Variants in ZC2HC1B observed in about 807,000 individuals in gnomAD.
ZC2HC1B encodes the protein zinc finger C2HC domain-containing protein 1B.
In ZC2HC1B, 36 loss-of-function variants were observed where a neutral mutation model predicts 31.0. That is an observed-to-expected ratio of 1.16 (90% confidence interval 0.89 to 1.54). The LOEUF (loss-of-function observed/expected upper bound fraction) is 1.54, where lower values mean the gene tolerates loss of function less well. Ranked by LOEUF, ZC2HC1B falls within the 40% of genes most tolerant of loss-of-function variation. The pLI is 0.00. For synonymous variants in ZC2HC1B, 73 were observed against 88.0 expected, an observed-to-expected ratio of 0.83 and a Z score of 0.95; for missense variants, 260 against 268.6, an observed-to-expected ratio of 0.97 and a Z score of 0.22.
intron 5 of ZC2HC1B, among the ~76,000 whole-genome samples, chr6:143,902,138 A>G (rs1430358504): frequency 6.6e-6 from 1 of 152,166 alleles, no homozygotes; most frequent in Non-Finnish European, 1.5e-5. Flanking sequence ...TCCTTCACTC[A>G]CTGTAGAGTA....
Position 143,895,182 on chromosome 6 carries a change from GAC to G in ZC2HC1B, c.350-3368_350-3367del, listed in dbSNP as rs1562341205. The stretch of plus-strand genomic sequence containing the variant: ...TTTTTGTTGTTGTTGTTGTTTTTGA[GAC>G]AGAGTTTTGCTCTTGTTGCCCAGAC... On this transcript the variant is annotated intron_variant, in intron 4 of 7. Transcript: ENST00000237275. This position sits in a 1 kb window ranked among gnomAD's most constrained non-coding sequence, Gnocchi z 4.8. 6.6e-6 allele frequency among the ~76,000 whole-genome samples: 1 copy of G among 152,110 alleles called. No homozygotes were observed. The highest frequency in any genetic ancestry group is 1.5e-5 in the Non-Finnish European group (1 of 68,024).
Position 143,934,214 on chromosome 6 carries a change from C to A in ZC2HC1B, c.599-3435C>A, listed in dbSNP as rs994025702. Among the ~76,000 whole-genome samples the A allele has an allele frequency of 6.6e-6, 1 of 152,340 alleles. No homozygotes were observed. Among genetic ancestry groups the A allele is most frequent in the Admixed American group, 6.5e-5 (1 of 15,298 alleles). On this transcript the variant is annotated intron_variant, in intron 6 of 7. Coordinates refer to ENST00000237275, the MANE Select transcript of ZC2HC1B (RefSeq NM_001013623.3). The surrounding 1 kb of genome is among the most constrained non-coding windows in gnomAD (Gnocchi z 4.6). ...AACTTACGAATTTTCACCTGTCTTG[C>A]AGAATTTGCAATAGCCTGCCACTTC...
chr6:143,882,467 A>G lies in ZC2HC1B; in HGVS notation c.29-1837A>G, dbSNP rs77026749. Among the ~76,000 whole-genome samples the G allele has an allele frequency of 2.2e-3, 335 of 150,414 alleles. 13 individuals are homozygous for G. The East Asian group carries it at 0.056, about 25-fold the overall frequency. Reference sequence around the variant, plus strand: ...GGCCTGTGTTGAAAATACAATACCAATTAGTAGATGTGACAAGAAATCATT... The same window carrying G: ...GGCCTGTGTTGAAAATACAATACCAGTTAGTAGATGTGACAAGAAATCATT... On this transcript the variant is annotated intron_variant, in intron 1 of 7. Coordinates refer to ENST00000237275, the MANE Select transcript of ZC2HC1B (RefSeq NM_001013623.3).
At position 143,899,235 on chromosome 6, in the gene ZC2HC1B, C is replaced by T. The variant is rs1777706459; in HGVS notation, c.489+544C>T. 6.6e-6 allele frequency among the ~76,000 whole-genome samples: 1 copy of T among 152,340 alleles called. No homozygotes were observed. The highest frequency in any genetic ancestry group is 3.4e-3 in the Middle Eastern group (1 of 294). ...AAGTGGAAGACAGTAGATTTATAAA[C>T]CACAGAACTGGAGCCAGCAAACAGC... On this transcript the variant is annotated intron_variant, in intron 5 of 7. Transcript: ENST00000237275. This position sits in a 1 kb window ranked among gnomAD's most constrained non-coding sequence, Gnocchi z 5.0.
In ZC2HC1B at chr6:143,865,613, T is replaced by C. The variant is rs1022909490; in HGVS notation, c.28+1046T>C. On this transcript the variant is annotated intron_variant, in intron 1 of 7. Transcript: ENST00000237275. This position sits in a 1 kb window ranked among gnomAD's most constrained non-coding sequence, Gnocchi z 4.4. ...CCCTGAAGGCACAGTGTTTTATTTA[T>C]TGCTTTATCCTTAGGTCTGGAAGGG... Among the ~76,000 whole-genome samples the C allele has an allele frequency of 1.3e-5, 2 of 152,206 alleles. No homozygotes were observed. The highest frequency in any genetic ancestry group is 2.4e-5 in the African/African-American group (1 of 41,448).
chr6:143,888,348 A>G (rs1013047302), intron 4 of ZC2HC1B, among the ~76,000 whole-genome samples: 2 of 151,992 alleles, frequency 1.3e-5, no homozygotes, highest in East Asian at 3.8e-4. Context: ...GTTCTGCAAA[A>G]TATACTCAAG....
chr6:143,887,911 T>G lies in ZC2HC1B; in HGVS notation c.349+1090T>G, dbSNP rs2128494143. On this transcript the variant is annotated intron_variant, in intron 4 of 7. Coordinates refer to ENST00000237275, the MANE Select transcript of ZC2HC1B (RefSeq NM_001013623.3). This position sits in a 1 kb window ranked among gnomAD's most constrained non-coding sequence, Gnocchi z 5.1. ...AATAGCCTTTAATACACAAAAGTTT[T>G]TCATTTTGATGATGTCCAGTGTATC... 6.6e-6 allele frequency among the ~76,000 whole-genome samples: 1 copy of G among 152,234 alleles called. No homozygotes were observed. The highest frequency in any genetic ancestry group is 1.9e-4 in the East Asian group (1 of 5,196).
At chr6:143,894,331 TA>T (rs760572479) in intron 4 of ZC2HC1B, among the ~76,000 whole-genome samples, 1 of 152,134 alleles carries the variant, frequency 6.6e-6, no homozygotes, top group Non-Finnish European at 1.5e-5. Flanking sequence ...TTTTGCAAAA[TA>T]TTGACTGAAA....
At chr6:143,888,181 T>A (rs1777553767) in intron 4 of ZC2HC1B, among the ~76,000 whole-genome samples, 1 of 152,150 alleles carries the variant, frequency 6.6e-6, no homozygotes, top group African/African-American at 2.4e-5. Flanking sequence ...TTGAATAATC[T>A]TGGCACCATT....
At position 143,865,291 on chromosome 6, in the gene ZC2HC1B, C is replaced by A. The variant is rs138202079; in HGVS notation, c.28+724C>A. 2.0e-4 allele frequency among the ~76,000 whole-genome samples: 30 copies of A among 152,306 alleles called. No individual in the cohort carries two copies. Among genetic ancestry groups the A allele is most frequent in the Non-Finnish European group, 3.5e-4 (24 of 68,020 alleles). Reference sequence around the variant, plus strand: ...TTTTTGCCTTCAGGAGCCACATGGTCTGAGGAGGCAGGATAGGTGCAGCGA... The same window carrying A: ...TTTTTGCCTTCAGGAGCCACATGGTATGAGGAGGCAGGATAGGTGCAGCGA... On this transcript the variant is annotated intron_variant, in intron 1 of 7. Transcript: ENST00000237275. The surrounding 1 kb of genome is among the most constrained non-coding windows in gnomAD (Gnocchi z 4.4).
rs189029585 is a variant in ZC2HC1B, at chr6:143,880,252, A to G, written c.29-4052A>G. Among the ~76,000 whole-genome samples, 9 of 152,324 alleles carry G rather than the reference A, an allele frequency of 5.9e-5. No individual in the cohort carries two copies. The East Asian group carries it at 1.7e-3, about 29-fold the overall frequency. On this transcript the variant is annotated intron_variant, in intron 1 of 7. Coordinates refer to ENST00000237275, the MANE Select transcript of ZC2HC1B (RefSeq NM_001013623.3). ...AAAATAATAGCCACTATAATAGTTTACCAAGTATGATTCCAGATAGAGAGG... is the reference window on the plus strand; with the variant it reads ...AAAATAATAGCCACTATAATAGTTTGCCAAGTATGATTCCAGATAGAGAGG...
Position 143,917,607 on chromosome 6 carries a change from C to T in ZC2HC1B, c.598+14455C>T, listed in dbSNP as rs1433109253. Among the ~76,000 whole-genome samples the T allele has an allele frequency of 6.6e-6, 1 of 152,140 alleles. No homozygotes were observed. The highest frequency in any genetic ancestry group is 1.5e-5 in the Non-Finnish European group (1 of 68,024). ...TACATCTTTATACAGGTTGAATGCT[C>T]CTAATCTAAAAATCTGAAATCTAAA... On this transcript the variant is annotated intron_variant, in intron 6 of 7. Coordinates refer to ENST00000237275, the MANE Select transcript of ZC2HC1B (RefSeq NM_001013623.3). This position sits in a 1 kb window ranked among gnomAD's most constrained non-coding sequence, Gnocchi z 4.1.
chr6:143,864,981 C>G (rs182947451), intron 1 of ZC2HC1B, among the ~76,000 whole-genome samples: 110 of 152,290 alleles, frequency 7.2e-4, no homozygotes, highest in Non-Finnish European at 1.2e-3. Context: ...TCATGTTACT[C>G]AAATTCTGTG....
chr6:143,919,217 CTGTGTGTGTGTGTGTGTGTG>C (rs71024878), intron 6 of ZC2HC1B, among the ~76,000 whole-genome samples: 16 of 123,596 alleles, frequency 1.3e-4, no homozygotes, highest in Admixed American at 8.4e-4. Context: ...TTGCTATTCT[CTGTGTGTGTGTGTGTGTGTG>C]TGTGTGTGTG....
rs995440714 is a variant in ZC2HC1B at position 143,905,575 on chromosome 6, G to C, written c.598+2423G>C. ...TTTTTCTTCCTAATTGCTCTGGTTG[G>C]AACTTCTAGTACTTCATTAAATAGA... On this transcript the variant is annotated intron_variant, in intron 6 of 7. Coordinates refer to ENST00000237275, the MANE Select transcript of ZC2HC1B (RefSeq NM_001013623.3). The surrounding 1 kb of genome is among the most constrained non-coding windows in gnomAD (Gnocchi z 4.2). 2.6e-5 allele frequency among the ~76,000 whole-genome samples: 4 copies of C among 151,944 alleles called. No homozygotes were observed. Among genetic ancestry groups the C allele is most frequent in the Non-Finnish European group, 5.9e-5 (4 of 68,000 alleles).
intron 4 of ZC2HC1B, among the ~76,000 whole-genome samples, chr6:143,896,366 G>T (rs749595674): frequency 5.9e-5 from 9 of 152,242 alleles, no homozygotes; most frequent in Middle Eastern, 3.4e-3. Flanking sequence ...ATGTGAGTAG[G>T]GTTTATGGTT....
chr6:143,885,692 C>T lies in ZC2HC1B; in HGVS notation c.91-340C>T, dbSNP rs957259727. ...ACACAGGGAAAGCTCTGCATGTTAG[C>T]TCTTCAGTTTTTGTATCAGAAATGT... On this transcript the variant is annotated intron_variant, in intron 2 of 7. Transcript: ENST00000237275. This position sits in a 1 kb window ranked among gnomAD's most constrained non-coding sequence, Gnocchi z 4.2. Among the ~76,000 whole-genome samples, 1 of 152,130 alleles carries T rather than the reference C, an allele frequency of 6.6e-6. No individual in the cohort carries two copies. Among genetic ancestry groups the T allele is most frequent in the Non-Finnish European group, 1.5e-5 (1 of 68,040 alleles).
In ZC2HC1B at chr6:143,903,219, G is replaced by T; in HGVS notation, c.598+67G>T. 1 of 1,379,454 alleles carries T rather than the reference G, an allele frequency of 7.2e-7. No individual in the cohort carries two copies. The highest frequency in any genetic ancestry group is 1.0e-6 in the Non-Finnish European group (1 of 990,674). The allele number at this position is 1,379,454 out of a possible 1,614,324, so 85.5% of individuals were successfully genotyped here. ...CAGAGGAGATCACTGTTGGGTTTGGGATTCACTGGTAGTCTGCAAAAGCTC... is the reference window on the plus strand; with the variant it reads ...CAGAGGAGATCACTGTTGGGTTTGGTATTCACTGGTAGTCTGCAAAAGCTC... On this transcript the variant is annotated intron_variant, in intron 6 of 7. Transcript: ENST00000237275. This position sits in a 1 kb window ranked among gnomAD's most constrained non-coding sequence, Gnocchi z 4.3.
chr6:143,886,624 A>G lies in ZC2HC1B; in HGVS notation c.211-59A>G, dbSNP rs543985614. On this transcript the variant is annotated intron_variant, in intron 3 of 7. Transcript: ENST00000237275. This position sits in a 1 kb window ranked among gnomAD's most constrained non-coding sequence, Gnocchi z 4.2. ...TGAATTCAAATTCCAGCTTTAAACA[A>G]AATTGTAATGGAGAGGTATATAGTC... is the stretch of plus-strand genomic sequence containing the variant. The G allele has an allele frequency of 3.5e-3, 4,783 of 1,382,416 alleles. 14 individuals carry two copies. The highest frequency in any genetic ancestry group is 3.8e-3 in the Non-Finnish European group (4,011 of 1,062,312). 85.6% of individuals were successfully genotyped at this position (1,382,416 alleles called of 1,614,324 possible). A position where few individuals can be genotyped will look rare whatever the true frequency, so the allele number is the denominator to read the frequency against.
Sources: gnomAD v4.1 joint callset for allele counts (sites outside exome capture counted in the v4.1 genomes callset) on GRCh38, gnomAD v4.1.1 for gene constraint, Gnocchi (gnomAD v3.1) non-coding constraint, MANE v1.5 for transcripts, NCBI Gene and HGNC (gene_info 2026-07-23, HGNC 2026-07-21) for gene names.